ZNF536: variants seen among roughly 807,000 people sequenced by gnomAD.
ZNF536 encodes the protein zinc finger protein 536.
ZNF536 carries 13 observed loss-of-function variants against 84.5 expected under a neutral mutation model. That is an observed-to-expected ratio of 0.15 (90% CI 0.10 to 0.24). The LOEUF (loss-of-function observed/expected upper bound fraction) is 0.24. ZNF536 is among the 10% of genes least tolerant of loss of function. The pLI, the probability that ZNF536 is intolerant of heterozygous loss-of-function variation, is 1.00. For missense variants in ZNF536, 1,536 were observed against 1,747.5 expected (o/e 0.88, Z 2.16); for synonymous variants, 811 against 742.5 (o/e 1.09, Z -1.50).
At chr19:30,406,724 T>C (rs1600599037) in intron 1 of ZNF536, among the ~76,000 whole-genome samples, 1 of 152,150 alleles carries the variant, frequency 6.6e-6, no homozygotes, top group Non-Finnish European at 1.5e-5. Flanking sequence ...AGACTGTCTG[T>C]GGAATGACTG....
At chr19:30,343,641 G>A (rs767710519) in intron 2 of ZNF536, among the ~76,000 whole-genome samples, 52 of 152,180 alleles carry the variant, frequency 3.4e-4, no homozygotes, top group Non-Finnish European at 8.8e-5. Context: ...TAGCATGTGC[G>A]TGATTTTCAT....
intron 3 of ZNF536, among the ~76,000 whole-genome samples, chr19:30,366,876 G>T (rs746531170): frequency 2.0e-5 from 3 of 152,322 alleles, no homozygotes; most frequent in Admixed American, 6.5e-5. Flanking sequence ...CAAACAGGGG[G>T]ATCTGAAGCT....
chr19:30,569,688 C>T (rs369896603), intron 1 of ZNF536, among the ~76,000 whole-genome samples: 14 of 149,188 alleles, frequency 9.4e-5, no homozygotes, highest in African/African-American at 3.0e-4. Flanking sequence ...CTCTTGCCTC[C>T]GCCTCTGCAG....
At chr19:30,611,338 C>T (rs1309849388) in intron 1 of ZNF536, among the ~76,000 whole-genome samples, 1 of 152,120 alleles carries the variant, frequency 6.6e-6, no homozygotes, top group Non-Finnish European at 1.5e-5. Context: ...AAGTGGGGGA[C>T]CTCAAAGCCA....
intron 2 of ZNF536, among the ~76,000 whole-genome samples, chr19:30,503,094 A>G (rs1231730517): frequency 1.3e-5 from 2 of 152,174 alleles, no homozygotes; most frequent in Non-Finnish European, 2.9e-5. Flanking sequence ...ATGCTACTCA[A>G]TAAATATTTG....
chr19:30,440,034 C>T (rs1265925402), intron 1 of ZNF536, among the ~76,000 whole-genome samples: 4 of 142,786 alleles, frequency 2.8e-5, no homozygotes, highest in Non-Finnish European at 6.0e-5. Context: ...GATCTCAGCT[C>T]ACTGGAACCT....
At chr19:30,358,371 G>A (rs764425875) in intron 3 of ZNF536, among the ~76,000 whole-genome samples, 7 of 152,108 alleles carry the variant, frequency 4.6e-5, no homozygotes, top group East Asian at 3.9e-4. Context: ...CACCTCCCCC[G>A]GGATGCCCAG....
intron 1 of ZNF536, among the ~76,000 whole-genome samples, chr19:30,687,854 T>C (rs537768496): frequency 3.3e-4 from 51 of 152,300 alleles, no homozygotes; most frequent in African/African-American, 1.1e-3. Flanking sequence ...AAAAAAACTT[T>C]TATTTGCATG....
intron 1 of ZNF536, among the ~76,000 whole-genome samples, chr19:30,274,711 G>C (rs989600167): frequency 6.6e-6 from 1 of 152,128 alleles, no homozygotes; most frequent in African/African-American, 2.4e-5. Context: ...CGTCACCCAG[G>C]TAATCAGCAT....
At chr19:30,605,347 C>G (rs1209945767) in intron 1 of ZNF536, among the ~76,000 whole-genome samples, 1 of 151,998 alleles carries the variant, frequency 6.6e-6, no homozygotes, top group Non-Finnish European at 1.5e-5. Context: ...CAAACCTCCC[C>G]CACCGCCAAG....
intron 2 of ZNF536, among the ~76,000 whole-genome samples, chr19:30,486,651 G>C (rs1669097220): frequency 6.6e-6 from 1 of 152,134 alleles, no homozygotes; most frequent in African/African-American, 2.4e-5. Context: ...GGTACTTCTG[G>C]TTCTAGGTCT....
chr19:30,700,018 ACTTT>A (rs967558783), intron 1 of ZNF536, among the ~76,000 whole-genome samples: 6 of 144,924 alleles, frequency 4.1e-5, no homozygotes, highest in Non-Finnish European at 7.6e-5. Context: ...TTTCTTTCTT[ACTTT>A]CTTTCTTTAT....
chr19:30,288,216 C>A (rs2145754076), intron 2 of ZNF536, among the ~76,000 whole-genome samples: 1 of 152,310 alleles, frequency 6.6e-6, no homozygotes, highest in East Asian at 1.9e-4. Flanking sequence ...ATTTATGAGG[C>A]TGAAAGGACT....
intron 1 of ZNF536, among the ~76,000 whole-genome samples, chr19:30,646,027 G>T (rs1313430295): frequency 1.3e-5 from 2 of 152,120 alleles, no homozygotes; most frequent in African/African-American, 4.8e-5. Flanking sequence ...CCAGCCTCCT[G>T]CTACTGCATT....
chr19:30,247,159 G>A (rs917629214), intron 1 of ZNF536, among the ~76,000 whole-genome samples: 4 of 152,224 alleles, frequency 2.6e-5, no homozygotes, highest in Non-Finnish European at 5.9e-5. Context: ...GTTTGATGGT[G>A]TGAATGAAAA....
intron 2 of ZNF536, among the ~76,000 whole-genome samples, chr19:30,311,214 GAGA>G (rs1224662172): frequency 6.6e-6 from 1 of 152,144 alleles, no homozygotes; most frequent in Admixed American, 6.5e-5. Flanking sequence ...GAGGTGGAGG[GAGA>G]TCAGGAGCCC....
intron 3 of ZNF536, among the ~76,000 whole-genome samples, chr19:30,539,117 C>T (rs2045215384): frequency 6.7e-6 from 1 of 149,550 alleles, no homozygotes; most frequent in Admixed American, 6.6e-5. Context: ...AGGAGATATG[C>T]ACCCCCCCCA....
At chr19:30,298,732 G>A (rs535058262) in intron 2 of ZNF536, among the ~76,000 whole-genome samples, 5 of 152,302 alleles carry the variant, frequency 3.3e-5, no homozygotes, top group South Asian at 2.1e-4. Context: ...GGGAATCTTC[G>A]TTTCTCCCAG....
intron 1 of ZNF536, among the ~76,000 whole-genome samples, chr19:30,668,006 A>G (rs1303444609): frequency 1.3e-5 from 2 of 152,134 alleles, no homozygotes; most frequent in Non-Finnish European, 2.9e-5. Flanking sequence ...TCCTCAGGGC[A>G]CTATCCTTTC....
Sources: gnomAD v4.1 joint callset for allele counts (sites outside exome capture counted in the v4.1 genomes callset) on GRCh38, gnomAD v4.1.1 for gene constraint, MANE v1.5 for transcripts, NCBI Gene and HGNC (gene_info 2026-07-23, HGNC 2026-07-21) for gene names.